The following PDLIM1 variants were observed in gnomAD, a reference collection of about 807,000 sequenced individuals.
PDLIM1 encodes PDZ and LIM domain 1, also known as PDZ and LIM domain protein 1.
In PDLIM1, 25 loss-of-function variants were observed where a neutral mutation model predicts 35.2. The ratio of observed to expected loss-of-function variants is 0.71; its 90% confidence interval spans 0.52 to 0.99. The LOEUF is 0.99. Among genes scored for constraint, PDLIM1 ranks in the 50% least tolerant of loss-of-function variants. PDLIM1 has a pLI of 0.00. For missense variants in PDLIM1, 363 were observed against 415.3 expected (o/e 0.87, Z 1.09); for synonymous variants, 152 against 154.0 (o/e 0.99, Z 0.10).
chr10:95,248,136 C>A (rs1051192232), intron 4 of PDLIM1, among the ~76,000 whole-genome samples: 6 of 152,218 alleles, frequency 3.9e-5, no homozygotes, highest in Admixed American at 1.3e-4. Flanking sequence ...ATCAGCTATA[C>A]CTGTAAATCT....
At chr10:95,253,316 C>T (rs1319869148) in intron 4 of PDLIM1, among the ~76,000 whole-genome samples, 3 of 152,136 alleles carry the variant, frequency 2.0e-5, no homozygotes, top group Non-Finnish European at 4.4e-5. Flanking sequence ...AAGACATTCT[C>T]AGATACAGGG....
chr10:95,250,958 G>A (rs1297360759), intron 4 of PDLIM1, among the ~76,000 whole-genome samples: 1 of 152,222 alleles, frequency 6.6e-6, no homozygotes, highest in Non-Finnish European at 1.5e-5. Flanking sequence ...GGCTGACACA[G>A]CCAGGCGTAG....
At position 95,238,676 on chromosome 10, in the gene PDLIM1, T is replaced by C. The variant is rs1201013714; in HGVS notation, c.695A>G (p.Asn232Ser). The C allele has an allele frequency of 2.5e-6, 4 of 1,609,646 alleles. No homozygotes were observed. The highest frequency in any genetic ancestry group is 2.6e-6 in the Non-Finnish European group (3 of 1,176,054). Residue 232 changes from asparagine to serine, a missense_variant, in exon 6 of 7, where the codon AAC becomes AGC. Transcript: ENST00000329399. ...ILESEEKGDPNKPSGFRSVKA... is the reference protein window; with the variant it reads ...ILESEEKGDPSKPSGFRSVKA... ...AACACTTCTGAATCCTGAGGGCTTGTTGGGATCCCCTGAAATGAGGAAAAC... is the reference window on the plus strand; with the variant it reads ...AACACTTCTGAATCCTGAGGGCTTGCTGGGATCCCCTGAAATGAGGAAAAC...
intron 4 of PDLIM1, among the ~76,000 whole-genome samples, chr10:95,257,642 A>C (rs2035328291): frequency 6.6e-6 from 1 of 152,244 alleles, no homozygotes; most frequent in African/African-American, 2.4e-5. Flanking sequence ...TATCAAAAAG[A>C]CATAAAACAA....
chr10:95,247,218 T>C lies in PDLIM1; in HGVS notation c.682A>G (p.Lys228Glu). 1 of 1,612,606 alleles carries C rather than the reference T, an allele frequency of 6.2e-7. No homozygotes were observed. Residue 228 changes from lysine to glutamate, a missense_variant, in exon 5 of 7, where the codon AAA (lysine) becomes GAA (glutamate). Physicochemically the swap from Lys to Glu is moderately conservative, Grantham distance 56. Coordinates refer to ENST00000329399, the MANE Select transcript of PDLIM1 (RefSeq NM_020992.4). ...GACTGCAGATGGAGCTGATTACCTT[T>C]TTCTTCAGACTCCAGGATTTCCTGC... Reference protein sequence around the residue: ...VLQEILESEEKGDPNKPSGFR... With the variant: ...VLQEILESEEEGDPNKPSGFR...
chr10:95,264,083 G>T lies in PDLIM1; in HGVS notation c.334-20C>A. 2.5e-6 allele frequency: 4 copies of T among 1,607,406 alleles called. No homozygotes were observed. The highest frequency in any genetic ancestry group is 3.4e-6 in the Non-Finnish European group (4 of 1,174,944). On this transcript the variant is annotated intron_variant, in intron 3 of 6. Coordinates refer to ENST00000329399, the MANE Select transcript of PDLIM1 (RefSeq NM_020992.4). ...GACCTCCTGCAGGCAGGGATCAGAG[G>T]AGAAATCAAGGGGGGCATCCAATGC...
intron 5 of PDLIM1, among the ~76,000 whole-genome samples, chr10:95,242,494 C>T (rs1234243128): frequency 6.6e-6 from 1 of 152,124 alleles, no homozygotes; most frequent in East Asian, 1.9e-4. Flanking sequence ...CGAGACCAGC[C>T]TGGCCAACAT....
At chr10:95,265,544 G>A (rs1589514092) in intron 3 of PDLIM1, among the ~76,000 whole-genome samples, 3 of 141,782 alleles carry the variant, frequency 2.1e-5, no homozygotes, top group South Asian at 4.5e-4. Flanking sequence ...GCGGTGAGCC[G>A]AGATTGTACC....
intron 2 of PDLIM1, among the ~76,000 whole-genome samples, chr10:95,269,436 G>A (rs1007402907): frequency 6.6e-6 from 1 of 152,054 alleles, no homozygotes; most frequent in African/African-American, 2.4e-5. Context: ...GCCGGGTGTG[G>A]TGGCATACGC....
intron 1 of PDLIM1, among the ~76,000 whole-genome samples, chr10:95,287,658 T>C (rs181929265): frequency 2.6e-5 from 4 of 151,978 alleles, no homozygotes; most frequent in Admixed American, 2.6e-4. Flanking sequence ...GAAATTAACA[T>C]GGAAAATTTT....
chr10:95,260,713 G>A lies in PDLIM1; in HGVS notation c.533+3151C>T, dbSNP rs540652834. Among the ~76,000 whole-genome samples the A allele has an allele frequency of 4.9e-4, 74 of 152,258 alleles. 1 individual carries two copies. Among genetic ancestry groups the A allele is most frequent in the African/African-American group, 1.6e-3 (68 of 41,526 alleles). On this transcript the variant is annotated intron_variant, in intron 4 of 6. Transcript: ENST00000329399. Reference sequence around the variant, plus strand: ...AAGTGCATAGGACAAAGAAATCCAGGGCAAGCCCCAGAGAATGGGTGATGA... The same window carrying A: ...AAGTGCATAGGACAAAGAAATCCAGAGCAAGCCCCAGAGAATGGGTGATGA...
At chr10:95,287,805 A>C (rs146618972) in intron 1 of PDLIM1, among the ~76,000 whole-genome samples, 44 of 152,126 alleles carry the variant, frequency 2.9e-4, no homozygotes, top group African/African-American at 8.2e-4. Flanking sequence ...CTAAACGAGA[A>C]TGTGGGTAAA....
intron 5 of PDLIM1, among the ~76,000 whole-genome samples, chr10:95,241,849 G>C (rs949498646): frequency 2.6e-5 from 4 of 152,194 alleles, no homozygotes; most frequent in Admixed American, 6.5e-5. Context: ...AAGCCCAGCA[G>C]AGCCACAGCT....
chr10:95,256,375 C>T (rs958142660), intron 4 of PDLIM1, among the ~76,000 whole-genome samples: 1 of 152,020 alleles, frequency 6.6e-6, no homozygotes, highest in South Asian at 2.1e-4. Flanking sequence ...TCAAAGGATC[C>T]TAAATAGCCA....
chr10:95,245,542 T>G (rs1233527901), intron 5 of PDLIM1, among the ~76,000 whole-genome samples: 1 of 152,194 alleles, frequency 6.6e-6, no homozygotes, highest in East Asian at 1.9e-4. Flanking sequence ...GGGTTTCACA[T>G]CCACGTAAGA....
chr10:95,279,960 A>C (rs2035546404), intron 1 of PDLIM1, among the ~76,000 whole-genome samples: 1 of 152,246 alleles, frequency 6.6e-6, no homozygotes, highest in African/African-American at 2.4e-5. Flanking sequence ...CATAAACCCA[A>C]TGCCAAGTTC....
At chr10:95,255,809 G>A (rs1269146411) in intron 4 of PDLIM1, among the ~76,000 whole-genome samples, 3 of 151,298 alleles carry the variant, frequency 2.0e-5, no homozygotes, top group African/African-American at 7.3e-5. Flanking sequence ...AGAAATAAAA[G>A]GCATCCAAAT....
At chr10:95,285,972 C>CA (rs2035598760) in intron 1 of PDLIM1, among the ~76,000 whole-genome samples, 1 of 152,228 alleles carries the variant, frequency 6.6e-6, no homozygotes, top group Admixed American at 6.5e-5. Context: ...TAACAGAAGA[C>CA]AAATACATCT....
At position 95,290,868 on chromosome 10, in the gene PDLIM1, G is replaced by A. The variant is rs751303090; in HGVS notation, c.48C>T (p.Phe16=). ...CGAAGTCCTTGCCGCCCACGAGGCG[G>A]AAGCCCCACGGCCCCGGGCCCTGGA... The part of the protein sequence containing the change: ...IDLQGPGPWG[F]RLVGGKDFEQ... Residue 16 remains phenylalanine (F), a synonymous_variant, in exon 1 of 7, where the codon TTC becomes TTT. Transcript: ENST00000329399. This position sits in a 1 kb window ranked among gnomAD's most constrained non-coding sequence, Gnocchi z 4.7. The A allele has an allele frequency of 7.0e-6, 11 of 1,565,194 alleles. No individual in the cohort carries two copies. The highest frequency in any genetic ancestry group is 5.6e-5 in the African/African-American group (4 of 71,048).
Sources: allele counts gnomAD v4.1 joint callset (sites outside exome capture counted in the v4.1 genomes callset), GRCh38; gene constraint gnomAD v4.1.1; non-coding constraint Gnocchi (gnomAD v3.1); transcripts MANE v1.5; gene names NCBI Gene and HGNC (gene_info 2026-07-23, HGNC 2026-07-21).